Variants in PDE8B observed in about 807,000 individuals in gnomAD.
The protein encoded by PDE8B is high affinity cAMP-specific and IBMX-insensitive 3',5'-cyclic phosphodiesterase 8B.
PDE8B carries 26 observed loss-of-function variants against 101.3 expected under a neutral mutation model. The ratio of observed to expected loss-of-function variants is 0.26; its 90% CI spans 0.19 to 0.36. The LOEUF is 0.36. Among genes scored for constraint, PDE8B ranks in the 10% least tolerant of loss-of-function variants. The pLI, the probability that PDE8B is intolerant of heterozygous loss-of-function variation, is 1.00. For missense variants in PDE8B, 810 were observed against 1,163.1 expected, an observed-to-expected ratio of 0.70 and a Z score of 4.42; for synonymous variants, 424 against 429.3, an observed-to-expected ratio of 0.99 and a Z score of 0.15.
chr5:77,206,644 T>C (rs1370616807), upstream of PDE8B, among the ~76,000 whole-genome samples: 3 of 152,102 alleles, frequency 2.0e-5, no homozygotes, highest in African/African-American at 7.2e-5. Context: ...GTCGCCAGGA[T>C]CCACGTCGGG....
intron 1 of PDE8B, chr5:77,291,362 C>A (rs1725935275): frequency 6.2e-7 from 1 of 1,611,992 alleles, no homozygotes; most frequent in Non-Finnish European, 8.5e-7. Context: ...AAGAAGGTAG[C>A]ACAGTGGTCT....
chr5:77,162,075 T>G, the PDE8B span, among the ~76,000 whole-genome samples: 2 of 151,946 alleles, frequency 1.3e-5, no homozygotes, highest in Non-Finnish European at 2.9e-5. Flanking sequence ...ATAAGTAAAT[T>G]TAGCAAGGTT....
At chr5:77,173,001 A>G in the PDE8B span, among the ~76,000 whole-genome samples, 1 of 152,170 alleles carries the variant, frequency 6.6e-6, no homozygotes, top group Non-Finnish European at 1.5e-5. Context: ...CAATAAACAC[A>G]TATATAGGGT....
chr5:77,325,798 A>G (rs751619752), intron 3 of PDE8B, 69 bp downstream of exon 3: 18 of 1,049,236 alleles, frequency 1.7e-5, no homozygotes, highest in Non-Finnish European at 2.5e-5. Flanking sequence ...TCATTTATAG[A>G]TATCTTTAGT....
intron 3 of PDE8B, among the ~76,000 whole-genome samples, chr5:77,328,427 C>T (rs1384061930): frequency 6.6e-6 from 1 of 152,208 alleles, no homozygotes; most frequent in Non-Finnish European, 1.5e-5. Context: ...TTCTCAGCCC[C>T]AGCTGATGAT....
upstream of PDE8B, among the ~76,000 whole-genome samples, chr5:77,205,524 A>C (rs1747425029): frequency 6.6e-6 from 1 of 151,840 alleles, no homozygotes; most frequent in African/African-American, 2.4e-5. Context: ...CCTATCTCTG[A>C]TTCTCTCCCT....
In PDE8B at chr5:77,291,854, T is replaced by C; in HGVS notation, c.340-20140T>C. ...ATTTGAGGTGTTCGGCAGCTGTTTT[T>C]GAAGAAGACAAAGAAAATTAAAGTT... On this transcript the variant is annotated intron_variant, in intron 1 of 21. Transcript: ENST00000264917. 3 of 1,471,378 alleles carry C rather than the reference T, an allele frequency of 2.0e-6. No individual in the cohort carries two copies. The South Asian group carries it at 3.4e-5, about 17-fold the overall frequency. 91.1% of individuals were successfully genotyped at this position (1,471,378 alleles called of 1,614,324 possible).
At chr5:77,156,575 A>G in the PDE8B span, among the ~76,000 whole-genome samples, 2 of 152,196 alleles carry the variant, frequency 1.3e-5, no homozygotes, top group East Asian at 3.8e-4. Flanking sequence ...GAATAAGGCC[A>G]TTGTCTTACC....
chr5:77,421,170 C>T (rs1796560549), intron 19 of PDE8B, among the ~76,000 whole-genome samples: 1 of 152,210 alleles, frequency 6.6e-6, no homozygotes, highest in Non-Finnish European at 1.5e-5. Flanking sequence ...AACACACCTG[C>T]TCCTGACTAC....
intron 1 of PDE8B, among the ~76,000 whole-genome samples, chr5:77,239,682 A>G (rs967005523): frequency 3.3e-5 from 5 of 152,222 alleles, no homozygotes; most frequent in Non-Finnish European, 7.3e-5. Context: ...CCAATCTCTT[A>G]TGCTTATGTA....
intron 1 of PDE8B, among the ~76,000 whole-genome samples, chr5:77,271,695 GAC>G (rs1437380058): frequency 6.6e-6 from 1 of 152,186 alleles, no homozygotes; most frequent in East Asian, 1.9e-4. Flanking sequence ...TGAAAGGGAA[GAC>G]ACAGAGGGAG....
intron 10 of PDE8B, among the ~76,000 whole-genome samples, chr5:77,368,685 C>T (rs1464034908): frequency 6.6e-6 from 1 of 152,164 alleles, no homozygotes; most frequent in Non-Finnish European, 1.5e-5. Context: ...GTGACTAATA[C>T]ATTCAGACTA....
At chr5:77,284,137 G>A (rs1352660787) in intron 1 of PDE8B, among the ~76,000 whole-genome samples, 1 of 152,108 alleles carries the variant, frequency 6.6e-6, no homozygotes. Flanking sequence ...CTTTGGTGAG[G>A]TGTCTTTTCA....
rs560456129 is a variant in PDE8B at position 77,424,222 on chromosome 5, C to A, written c.2419-1545C>A. Among the ~76,000 whole-genome samples the A allele has an allele frequency of 5.3e-5, 8 of 152,278 alleles. No individual in the cohort carries two copies. In the East Asian group the frequency reaches 1.4e-3, roughly 26 times the overall value. ...TCATCAATGGGCTTCCCCGGACCCA[C>A]AGAGAGAGGACCTGACGTACTACTC... On this transcript the variant is annotated intron_variant, in intron 20 of 21. Coordinates refer to ENST00000264917, the MANE Select transcript of PDE8B (RefSeq NM_003719.5).
At chr5:77,119,354 C>T in the PDE8B span, 1 of 152,154 alleles carries the variant, frequency 6.6e-6, no homozygotes, top group Non-Finnish European at 1.5e-5. Flanking sequence ...TGTATATAAA[C>T]AGACTTGTTT....
At chr5:77,202,655 CAG>C in the PDE8B span, among the ~76,000 whole-genome samples, 14 of 147,916 alleles carry the variant, frequency 9.5e-5, no homozygotes, top group Non-Finnish European at 1.8e-4. Flanking sequence ...TTTTTTGAGA[CAG>C]AGTCTCGCTC....
chr5:77,096,187 G>T, the PDE8B span, among the ~76,000 whole-genome samples: 1 of 152,098 alleles, frequency 6.6e-6, no homozygotes, highest in African/African-American at 2.4e-5. Flanking sequence ...ACAGGGTTTT[G>T]CTTTGTTGGC....
intron 2 of PDE8B, among the ~76,000 whole-genome samples, chr5:77,320,630 C>G (rs1774839134): frequency 6.6e-6 from 1 of 152,046 alleles, no homozygotes; most frequent in Non-Finnish European, 1.5e-5. Flanking sequence ...CTTTTTATTC[C>G]CAGTTCTTAA....
intron 10 of PDE8B, among the ~76,000 whole-genome samples, chr5:77,394,659 C>G (rs986827031): frequency 6.6e-6 from 1 of 152,140 alleles, no homozygotes; most frequent in African/African-American, 2.4e-5. Flanking sequence ...TTTCAGCAGT[C>G]AGATATAATA....
Sources: allele counts gnomAD v4.1 joint callset (sites outside exome capture counted in the v4.1 genomes callset), GRCh38; gene constraint gnomAD v4.1.1; transcripts MANE v1.5; gene names NCBI Gene and HGNC (gene_info 2026-07-23, HGNC 2026-07-21).